Variants in CCSER1 observed in about 807,000 individuals in gnomAD.
CCSER1 encodes the protein coiled-coil serine rich protein 1.
In CCSER1, 41 loss-of-function variants were observed where a neutral mutation model predicts 82.0. The observed-to-expected ratio is 0.50, with a 90% CI of 0.39 to 0.65. The LOEUF (loss-of-function observed/expected upper bound fraction) is 0.65. CCSER1 is among the 30% of genes least tolerant of loss of function. The pLI is 0.00. For missense variants in CCSER1, 1,119 were observed against 1,064.2 expected (o/e 1.05, Z -0.72); for synonymous variants, 414 against 383.9 (o/e 1.08, Z -0.92).
At position 90,165,623 on chromosome 4, in the gene CCSER1, A is replaced by G. The variant is rs1223434657; in HGVS notation, c.-42+37792A>G. The stretch of plus-strand genomic sequence containing the variant: ...CTTCATGGATTATATTATCTATTGG[A>G]AAAGACAGATGTGTAAATAGATTAT... On this transcript the variant is annotated intron_variant, in intron 1 of 10. Coordinates refer to ENST00000509176, the MANE Select transcript of CCSER1 (RefSeq NM_001145065.2). Among the ~76,000 whole-genome samples, 3 of 152,204 alleles carry G rather than the reference A, an allele frequency of 2.0e-5. No individual in the cohort carries two copies. The East Asian group carries it at 5.8e-4, about 29-fold the overall frequency.
At chr4:90,974,888 C>G (rs1735466373) in intron 9 of CCSER1, among the ~76,000 whole-genome samples, 1 of 151,330 alleles carries the variant, frequency 6.6e-6, no homozygotes, top group African/African-American at 2.4e-5. Flanking sequence ...TATATAAAAA[C>G]TTATGTTCAC....
chr4:91,158,829 A>G (rs1460374896), intron 10 of CCSER1, among the ~76,000 whole-genome samples: 1 of 152,124 alleles, frequency 6.6e-6, no homozygotes, highest in African/African-American at 2.4e-5. Context: ...AACAAATACC[A>G]TTGAAACAAT....
chr4:91,376,116 A>G (rs946854279), intron 10 of CCSER1, among the ~76,000 whole-genome samples: 3 of 152,106 alleles, frequency 2.0e-5, no homozygotes, highest in Non-Finnish European at 2.9e-5. Context: ...AGAGAAAAAT[A>G]AAACACAAAA....
intron 3 of CCSER1, among the ~76,000 whole-genome samples, chr4:90,395,709 A>G (rs946474913): frequency 2.0e-5 from 3 of 149,000 alleles, no homozygotes; most frequent in Admixed American, 6.7e-5. Context: ...TTTGTGTAAT[A>G]TGGGTGTCCT....
chr4:90,172,406 T>C (rs912660734), intron 1 of CCSER1, among the ~76,000 whole-genome samples: 1 of 151,886 alleles, frequency 6.6e-6, no homozygotes, highest in African/African-American at 2.4e-5. Flanking sequence ...TTTTGTCAGT[T>C]TACCGTAGAA....
At chr4:91,194,783 C>T (rs564137805) in intron 10 of CCSER1, among the ~76,000 whole-genome samples, 4 of 152,262 alleles carry the variant, frequency 2.6e-5, no homozygotes, top group South Asian at 2.1e-4. Flanking sequence ...TATGAGGTTT[C>T]ATGATATTTG....
rs936273705 is a variant in CCSER1, at chr4:90,302,706, G to A, written c.-41-5538G>A. ...TAGTCCCAGCTACTTGGGAGGCTGA[G>A]GTAGAAGGATGGCTTGAGCCCAGGA... On this transcript the variant is annotated intron_variant, in intron 1 of 10. Transcript: ENST00000509176. Among the ~76,000 whole-genome samples the A allele has an allele frequency of 1.2e-4, 19 of 152,136 alleles. No homozygotes were observed. In the East Asian group the frequency reaches 1.3e-3, roughly 11 times the overall value.
intron 4 of CCSER1, among the ~76,000 whole-genome samples, chr4:90,426,641 T>C (rs115059454): frequency 0.018 from 2,694 of 152,268 alleles, 34 homozygotes; most frequent in African/African-American, 0.038. Context: ...ATTCTTTGTC[T>C]GTTTTTTCTT....
intron 10 of CCSER1, among the ~76,000 whole-genome samples, chr4:91,357,584 A>G (rs1748929858): frequency 6.6e-6 from 1 of 152,124 alleles, no homozygotes; most frequent in South Asian, 2.1e-4. Flanking sequence ...CTACATTATT[A>G]TGCCCCTTTA....
At chr4:91,059,179 T>G (rs867924595) in intron 9 of CCSER1, among the ~76,000 whole-genome samples, 2 of 152,000 alleles carry the variant, frequency 1.3e-5, no homozygotes, top group East Asian at 3.9e-4. Context: ...CATTCTAATT[T>G]GGTTTATATT....
At chr4:91,164,769 T>A (rs772092153) in intron 10 of CCSER1, among the ~76,000 whole-genome samples, 3 of 152,244 alleles carry the variant, frequency 2.0e-5, no homozygotes, top group Non-Finnish European at 2.9e-5. Flanking sequence ...GCGCCATGAT[T>A]TTCAGCTCCA....
intron 7 of CCSER1, among the ~76,000 whole-genome samples, chr4:90,772,019 T>A (rs1752251454): frequency 6.6e-6 from 1 of 152,126 alleles, no homozygotes; most frequent in Non-Finnish European, 1.5e-5. Context: ...ATTCTCCTCA[T>A]ATAACCAGCT....
At chr4:91,104,909 T>C (rs935391321) in intron 10 of CCSER1, among the ~76,000 whole-genome samples, 2 of 152,182 alleles carry the variant, frequency 1.3e-5, no homozygotes, top group African/African-American at 4.8e-5. Flanking sequence ...ATTTTTCTTT[T>C]TGGTATAAAT....
chr4:91,000,557 A>G (rs1179162807), intron 9 of CCSER1, among the ~76,000 whole-genome samples: 1 of 152,064 alleles, frequency 6.6e-6, no homozygotes, highest in Non-Finnish European at 1.5e-5. Context: ...TTTCATGAGT[A>G]TGGGATGTTT....
chr4:90,714,914 GTAAA>G (rs1353732600), intron 6 of CCSER1, among the ~76,000 whole-genome samples: 1 of 151,734 alleles, frequency 6.6e-6, no homozygotes, highest in Non-Finnish European at 1.5e-5. Flanking sequence ...AGATTTTTTT[GTAAA>G]TAAATGAGCT....
At chr4:91,420,543 A>G (rs927413280) in intron 10 of CCSER1, among the ~76,000 whole-genome samples, 2 of 152,064 alleles carry the variant, frequency 1.3e-5, no homozygotes, top group African/African-American at 4.8e-5. Flanking sequence ...GGAGATAACA[A>G]TTGTTGGCAA....
intron 9 of CCSER1, among the ~76,000 whole-genome samples, chr4:90,997,355 G>A (rs1161198609): frequency 6.6e-6 from 1 of 152,086 alleles, no homozygotes; most frequent in Non-Finnish European, 1.5e-5. Flanking sequence ...CTCTGACTCT[G>A]ACTGTCCTGC....
chr4:90,406,314 G>T (rs1578310399), intron 4 of CCSER1, among the ~76,000 whole-genome samples: 1 of 152,118 alleles, frequency 6.6e-6, no homozygotes, highest in East Asian at 1.9e-4. Context: ...AAATATTGCA[G>T]TTCTAAATAT....
chr4:90,450,733 G>T (rs1170800896), intron 4 of CCSER1, among the ~76,000 whole-genome samples: 1 of 152,170 alleles, frequency 6.6e-6, no homozygotes, highest in African/African-American at 2.4e-5. Flanking sequence ...CCCATTCTGG[G>T]ACTAGAGAGA....
Sources: allele counts gnomAD v4.1 joint callset (sites outside exome capture counted in the v4.1 genomes callset), GRCh38; gene constraint gnomAD v4.1.1; transcripts MANE v1.5; gene names NCBI Gene and HGNC (gene_info 2026-07-23, HGNC 2026-07-21).